TMEM165: variants seen among roughly 807,000 people sequenced by gnomAD.
The protein encoded by TMEM165 is putative divalent cation/proton antiporter TMEM165.
TMEM165 carries 19 observed loss-of-function variants against 30.0 expected under a neutral mutation model. That is an observed-to-expected ratio of 0.63 (90% CI 0.44 to 0.93). The LOEUF is 0.93. Ranked by LOEUF, TMEM165 falls within the 40% of genes least tolerant of loss-of-function variation. TMEM165 has a pLI of 0.00. For missense variants in TMEM165, 340 were observed against 417.0 expected, an observed-to-expected ratio of 0.82 and a Z score of 1.61; for synonymous variants, 168 against 162.9, an observed-to-expected ratio of 1.03 and a Z score of -0.24.
chr4:55,422,832 G>C (rs1205436668), intron 4 of TMEM165, among the ~76,000 whole-genome samples: 2 of 151,886 alleles, frequency 1.3e-5, no homozygotes, highest in African/African-American at 4.8e-5. Flanking sequence ...TGTATTTTTA[G>C]TAGAGACAGC....
chr4:55,435,700 C>G, intron 3 of TMEM165: 1 of 1,126,074 alleles, frequency 8.9e-7, no homozygotes, highest in South Asian at 1.3e-5. Flanking sequence ...CCTTAAAATT[C>G]TACATAATGC....
chr4:55,450,044 T>C, intron 3 of TMEM165: 2 of 1,600,870 alleles, frequency 1.2e-6, no homozygotes, highest in Non-Finnish European at 1.7e-6. Context: ...ACTAAAAGTT[T>C]AGTTAGTTAC....
At position 55,449,595 on chromosome 4, in the gene TMEM165, A is replaced by G. The variant is rs1262394825; in HGVS notation, c.409-2644A>G. 2.8e-6 allele frequency: 3 copies of G among 1,060,148 alleles called. No individual in the cohort carries two copies. The East Asian group carries it at 7.8e-5, about 27-fold the overall frequency. The allele number at this position is 1,060,148 out of a possible 1,614,324, so 65.7% of individuals were successfully genotyped here. A position where few individuals can be genotyped will look rare whatever the true frequency, so the allele number is the denominator to read the frequency against. ...TTTCAGTTAATAAAAATGGCTTTTG[A>G]ATTATTTTTCCAAACCATTCAATGA... On this transcript the variant is annotated intron_variant, in intron 3 of 3. Coordinates refer to the TMEM165 transcript ENST00000608091.
In TMEM165 at chr4:55,417,892, T is replaced by G. The variant is rs1260888212; in HGVS notation, c.699T>G (p.Ile233Met). 1.9e-6 allele frequency: 3 copies of G among 1,614,112 alleles called. No individual in the cohort carries two copies. The highest frequency in any genetic ancestry group is 2.5e-6 in the Non-Finnish European group (3 of 1,179,980). ...CTCAGAAAAAGTGGTTGCATTTTAT[T>G]TCACCCATTTTTGTTCAAGCTCTTA... The part of the protein sequence containing the change: ...TVPQKKWLHF[I>M]SPIFVQALTL... The change falls in exon 4 of 6, where the codon ATT (isoleucine) becomes ATG (methionine). Residue 233 changes from isoleucine (I) to methionine (M), a missense_variant. Ile to Met is a conservative substitution (Grantham distance 10). Coordinates refer to ENST00000381334, the MANE Select transcript of TMEM165 (RefSeq NM_018475.5).
chr4:55,424,427 A>AT, intron 4 of TMEM165, 111 bp from the exon 5 acceptor site: 2 of 664,544 alleles, frequency 3.0e-6, no homozygotes, highest in Non-Finnish European at 5.4e-6. Context: ...TTTTATAACT[A>AT]TTATGCTTTT....
exon 4 of TMEM165, chr4:55,453,186 C>A (rs1328401044): frequency 7.5e-7 from 1 of 1,326,718 alleles, no homozygotes; most frequent in African/African-American, 1.4e-5. Context: ...TAAAATACTG[C>A]ACAGCTGTAA....
chr4:55,403,145 G>A (rs1042483476), intron 1 of TMEM165: 2 of 820,042 alleles, frequency 2.4e-6, no homozygotes, highest in South Asian at 1.5e-5. Flanking sequence ...TAAGCAAATT[G>A]TAAGCATTTT....
chr4:55,417,718 T>G, intron 3 of TMEM165, 85 bp from the exon 4 acceptor site: 1 of 1,144,440 alleles, frequency 8.7e-7, no homozygotes, highest in Admixed American at 2.8e-5. Flanking sequence ...TCATAGAATT[T>G]AAACACTTAG....
At chr4:55,453,172 C>A (rs201598051) in exon 4 of TMEM165, 2 of 1,461,634 alleles carry the variant, frequency 1.4e-6, no homozygotes, top group East Asian at 4.6e-5. Context: ...TCTGGTCATT[C>A]GTTTAAAATA....
intron 1 of TMEM165, among the ~76,000 whole-genome samples, chr4:55,397,710 C>G (rs545116522): frequency 7.3e-5 from 11 of 151,506 alleles, no homozygotes; most frequent in African/African-American, 2.2e-4. Flanking sequence ...TTTCTCCTTT[C>G]CTTTCCTTTT....
At chr4:55,419,867 G>A (rs1233875866) in intron 4 of TMEM165, among the ~76,000 whole-genome samples, 2 of 151,578 alleles carry the variant, frequency 1.3e-5, no homozygotes, top group Non-Finnish European at 2.9e-5. Flanking sequence ...CAAAAATGCT[G>A]TATTTTGGGG....
intron 2 of TMEM165, chr4:55,412,132 C>T (rs562833162): frequency 7.3e-6 from 3 of 409,066 alleles, no homozygotes; most frequent in African/African-American, 4.1e-5. Context: ...CAGTCACTCA[C>T]GCCTGTAATC....
rs1046513831 is a variant in TMEM165, at chr4:55,396,036, C to A, written c.-154C>A. 6 of 525,112 alleles carry A rather than the reference C, an allele frequency of 1.1e-5. No individual in the cohort carries two copies. The highest frequency in any genetic ancestry group is 1.8e-5 in the Non-Finnish European group (6 of 340,282). 32.5% of individuals were successfully genotyped at this position (525,112 alleles called of 1,614,324 possible). ...TTCGGCCTGCCCCTCACCTCACTCCCGCTGCTTGCACCTCCCGGATGGTGC... is the reference window on the plus strand; with the variant it reads ...TTCGGCCTGCCCCTCACCTCACTCCAGCTGCTTGCACCTCCCGGATGGTGC... On this transcript the variant is annotated 5_prime_UTR_variant, in exon 1 of 6. Transcript: ENST00000381334.
At chr4:55,400,338 TATTA>T (rs1720937515) in intron 1 of TMEM165, among the ~76,000 whole-genome samples, 1 of 95,654 alleles carries the variant, frequency 1.0e-5, no homozygotes, top group African/African-American at 3.8e-5. Context: ...TATAATATAA[TATTA>T]ATTATATTAT....
chr4:55,437,524 G>C (rs1348316150), intron 3 of TMEM165, among the ~76,000 whole-genome samples: 2 of 152,198 alleles, frequency 1.3e-5, no homozygotes, highest in African/African-American at 4.8e-5. Context: ...AATGATATCT[G>C]TGTCTATATT....
intron 3 of TMEM165, among the ~76,000 whole-genome samples, chr4:55,446,101 CTTTTTTTTTTT>C (rs766235766): frequency 1.9e-5 from 2 of 107,372 alleles, no homozygotes; most frequent in Admixed American, 1.0e-4. Context: ...AATTTAACTT[CTTTTTTTTTTT>C]TTTTTTTTTG....
intron 3 of TMEM165, 84 bp downstream of exon 3, chr4:55,417,331 C>T (rs1175675813): frequency 2.2e-6 from 3 of 1,357,576 alleles, no homozygotes; most frequent in Non-Finnish European, 3.0e-6. Flanking sequence ...GTGGCCCCAT[C>T]TGTGTGATAT....
At chr4:55,442,424 A>G in intron 3 of TMEM165, 1 of 1,604,398 alleles carries the variant, frequency 6.2e-7, no homozygotes, top group Non-Finnish European at 8.5e-7. Context: ...ATGAAATATG[A>G]CAACTACCTT....
chr4:55,443,679 A>C (rs1468526142), intron 3 of TMEM165: 1 of 1,609,934 alleles, frequency 6.2e-7, no homozygotes, highest in South Asian at 1.1e-5. Flanking sequence ...TGTGCTCAGT[A>C]ACATTACCTG....
Sources: gnomAD v4.1 joint callset for allele counts (sites outside exome capture counted in the v4.1 genomes callset) on GRCh38, gnomAD v4.1.1 for gene constraint, MANE v1.5 for transcripts, NCBI Gene and HGNC (gene_info 2026-07-23, HGNC 2026-07-21) for gene names.